Variants in CAST observed in about 807,000 individuals in gnomAD.
The protein encoded by CAST is calpastatin.
A neutral mutation model predicts 119.6 loss-of-function variants in CAST; 76 were observed. That is an observed-to-expected ratio of 0.64 (90% CI 0.53 to 0.77). The LOEUF (loss-of-function observed/expected upper bound fraction) is 0.77. Ranked by LOEUF, CAST falls within the 30% of genes least tolerant of loss-of-function variation. CAST has a pLI of 0.00. For missense variants in CAST, 953 were observed against 946.5 expected (o/e 1.01, Z -0.09); for synonymous variants, 319 against 331.6 (o/e 0.96, Z 0.41).
the CAST span, among the ~76,000 whole-genome samples, chr5:96,244,897 AG>A: frequency 6.6e-6 from 1 of 152,184 alleles, no homozygotes; most frequent in Non-Finnish European, 1.5e-5. Context: ...ATATAGCCTT[AG>A]GGGATATGTT....
chr5:96,155,129 G>C, the CAST span, among the ~76,000 whole-genome samples: 2 of 152,178 alleles, frequency 1.3e-5, no homozygotes, highest in Admixed American at 1.3e-4. Flanking sequence ...TTGGTGTTGT[G>C]AATAAGGGAT....
intron 1 of CAST, among the ~76,000 whole-genome samples, chr5:96,551,373 A>G (rs1746123443): frequency 6.6e-6 from 1 of 152,188 alleles, no homozygotes; most frequent in Admixed American, 6.5e-5. Flanking sequence ...ATGCTGAGAG[A>G]TTTTTGTCAC....
intron 1 of CAST, among the ~76,000 whole-genome samples, chr5:96,631,367 C>CT (rs1165563510): frequency 7.1e-6 from 1 of 140,420 alleles, no homozygotes; most frequent in African/African-American, 2.5e-5. Flanking sequence ...AATATGTGTC[C>CT]TTTTTTGTCT....
intron 1 of CAST, among the ~76,000 whole-genome samples, chr5:96,544,602 C>T (rs970688646): frequency 2.2e-5 from 2 of 92,276 alleles, no homozygotes; most frequent in Non-Finnish European, 4.7e-5. Flanking sequence ...TTAAGGAAAC[C>T]ATTAAAACAA....
At chr5:96,432,745 C>T in the CAST span, 12 of 788,450 alleles carry the variant, frequency 1.5e-5, no homozygotes, top group African/African-American at 1.9e-4. Flanking sequence ...CAGCTCCTTG[C>T]TCTTTGCTAC....
the CAST span, among the ~76,000 whole-genome samples, chr5:96,262,815 A>G: frequency 6.6e-6 from 1 of 152,076 alleles, no homozygotes; most frequent in African/African-American, 2.4e-5. Flanking sequence ...GATTACAGAC[A>G]TGAGCCACCA....
chr5:96,349,127 A>G, the CAST span, among the ~76,000 whole-genome samples: 15 of 93,374 alleles, frequency 1.6e-4, no homozygotes, highest in African/African-American at 5.3e-4. Context: ...CTTTTCAACC[A>G]ACAAGGACAC....
chr5:96,021,283 T>G, the CAST span, among the ~76,000 whole-genome samples: 1 of 152,142 alleles, frequency 6.6e-6, no homozygotes, highest in Non-Finnish European at 1.5e-5. Flanking sequence ...ATTAGCTGAC[T>G]TAATAGAACT....
chr5:96,174,497 C>T, the CAST span, among the ~76,000 whole-genome samples: 1 of 152,210 alleles, frequency 6.6e-6, no homozygotes, highest in East Asian at 1.9e-4. Flanking sequence ...AGTCAGAATC[C>T]TCTGTATGAC....
the CAST span, among the ~76,000 whole-genome samples, chr5:96,109,095 C>T: frequency 1.3e-5 from 2 of 152,230 alleles, no homozygotes; most frequent in Non-Finnish European, 2.9e-5. Flanking sequence ...GCGCACGGTG[C>T]GTGCACCCAC....
the CAST span, among the ~76,000 whole-genome samples, chr5:96,288,256 T>C: frequency 1.3e-5 from 2 of 152,180 alleles, no homozygotes; most frequent in Non-Finnish European, 1.5e-5. Flanking sequence ...GACTGTTTTT[T>C]CCTCCTCACA....
At chr5:96,156,119 T>C in the CAST span, among the ~76,000 whole-genome samples, 1 of 152,234 alleles carries the variant, frequency 6.6e-6, no homozygotes. Flanking sequence ...TCACAGTCAT[T>C]ACTGACATAT....
the CAST span, among the ~76,000 whole-genome samples, chr5:96,003,215 G>C: frequency 6.6e-6 from 1 of 151,832 alleles, no homozygotes; most frequent in Admixed American, 6.6e-5. Flanking sequence ...ACTCCATCCT[G>C]GGCGACAGAG....
At chr5:96,126,243 C>A in the CAST span, among the ~76,000 whole-genome samples, 532 of 151,900 alleles carry the variant, frequency 3.5e-3, 2 homozygotes, top group African/African-American at 4.5e-3. Context: ...GTGGTTGCTC[C>A]GTATGGGACT....
chr5:96,086,224 A>G, the CAST span, among the ~76,000 whole-genome samples: 1 of 152,036 alleles, frequency 6.6e-6, no homozygotes, highest in African/African-American at 2.4e-5. Context: ...AATCTTTTAG[A>G]TCTGTAGTTG....
At chr5:96,335,478 G>A in the CAST span, among the ~76,000 whole-genome samples, 4 of 152,144 alleles carry the variant, frequency 2.6e-5, no homozygotes, top group East Asian at 5.8e-4. Context: ...CCCAACCATG[G>A]TCTCCTCTCC....
intron 1 of CAST, among the ~76,000 whole-genome samples, chr5:96,536,946 C>A (rs1233098785): frequency 1.3e-5 from 2 of 152,150 alleles, no homozygotes; most frequent in Admixed American, 1.3e-4. Flanking sequence ...AGTTATTAAG[C>A]CAAGCTATCT....
At chr5:96,016,345 A>T in the CAST span, among the ~76,000 whole-genome samples, 4 of 152,230 alleles carry the variant, frequency 2.6e-5, no homozygotes, top group Admixed American at 2.0e-4. Flanking sequence ...GTATATGGCA[A>T]ATTAGGAATT....
chr5:96,662,941 C>T (rs1748763612), intron 1 of CAST: 1 of 589,548 alleles, frequency 1.7e-6, no homozygotes, highest in African/African-American at 2.0e-5. Context: ...CCAAATTGGG[C>T]GGGCGAGGAG....
Sources: gnomAD v4.1 joint callset for allele counts (sites outside exome capture counted in the v4.1 genomes callset) on GRCh38, gnomAD v4.1.1 for gene constraint, MANE v1.5 for transcripts, NCBI Gene and HGNC (gene_info 2026-07-23, HGNC 2026-07-21) for gene names.